The following RBFOX1 variants were observed in gnomAD, a reference collection of about 807,000 sequenced individuals.
RBFOX1 encodes RNA binding fox-1 homolog 1.
RBFOX1 carries 8 observed loss-of-function variants against 57.7 expected under a neutral mutation model. The ratio of observed to expected loss-of-function variants is 0.14; its 90% CI spans 0.08 to 0.25. The LOEUF (loss-of-function observed/expected upper bound fraction) is 0.25. RBFOX1 is among the 10% of genes least tolerant of loss of function. The pLI is 1.00. For missense variants in RBFOX1, 611 were observed against 548.5 expected, an observed-to-expected ratio of 1.11 and a Z score of -1.14; for synonymous variants, 326 against 222.4, an observed-to-expected ratio of 1.47 and a Z score of -4.15.
At chr16:7,656,287 G>T (rs1255971166) in intron 12 of RBFOX1, among the ~76,000 whole-genome samples, 1 of 152,136 alleles carries the variant, frequency 6.6e-6, no homozygotes, top group Non-Finnish European at 1.5e-5. Flanking sequence ...CAGACTCCTG[G>T]GAATGAATTG....
rs116980136 is a variant in RBFOX1 at position 6,997,005 on chromosome 16, T to A, written c.-15-55052T>A. Among the ~76,000 whole-genome samples, 1,302 of 152,248 alleles carry A rather than the reference T, an allele frequency of 8.6e-3. 10 individuals carry two copies. Among genetic ancestry groups the A allele is most frequent in the Non-Finnish European group, 0.013 (858 of 68,008 alleles). ...GATTTCCTCATCAGCTTTATACATA[T>A]GTATATGTATATATGTTTATATTTA... is the stretch of plus-strand genomic sequence containing the variant. On this transcript the variant is annotated intron_variant, in intron 3 of 15. Transcript: ENST00000550418.
chr16:5,654,294 G>A (rs920992976), intron 3 of RBFOX1, among the ~76,000 whole-genome samples: 1 of 152,146 alleles, frequency 6.6e-6, no homozygotes, highest in African/African-American at 2.4e-5. Context: ...ATTGGCTTCT[G>A]GGAGCCAAGT....
At chr16:5,630,978 G>C (rs1019573262) in intron 3 of RBFOX1, among the ~76,000 whole-genome samples, 13 of 152,194 alleles carry the variant, frequency 8.5e-5, no homozygotes, top group African/African-American at 3.1e-4. Flanking sequence ...ATTTAAGAAA[G>C]GGAAAGTGGG....
At chr16:7,238,763 A>T (rs1001226147) in intron 4 of RBFOX1, among the ~76,000 whole-genome samples, 1 of 152,068 alleles carries the variant, frequency 6.6e-6, no homozygotes, top group Non-Finnish European at 1.5e-5. Context: ...AGTACCCATT[A>T]CTTGTTTCTC....
intron 4 of RBFOX1, among the ~76,000 whole-genome samples, chr16:7,455,828 C>T (rs1169544538): frequency 2.7e-5 from 4 of 150,560 alleles, no homozygotes; most frequent in Non-Finnish European, 5.9e-5. Context: ...AAAACTGATT[C>T]ACATTTCAAT....
chr16:7,624,027 C>A (rs2059706039), intron 10 of RBFOX1, among the ~76,000 whole-genome samples: 1 of 152,154 alleles, frequency 6.6e-6, no homozygotes. Flanking sequence ...AAATGAGTGA[C>A]AGTGTAGGAA....
chr16:7,405,698 G>A (rs1459701085), intron 4 of RBFOX1, among the ~76,000 whole-genome samples: 3 of 152,184 alleles, frequency 2.0e-5, no homozygotes, highest in Non-Finnish European at 4.4e-5. Context: ...CTGCACCTGT[G>A]GTCAGCCTTC....
intron 2 of RBFOX1, among the ~76,000 whole-genome samples, chr16:5,516,682 G>C (rs1039136351): frequency 2.0e-5 from 3 of 152,074 alleles, no homozygotes; most frequent in Non-Finnish European, 4.4e-5. Flanking sequence ...ATATGTCATG[G>C]GCAGGACCCA....
At chr16:7,258,713 C>A (rs1302589281) in intron 4 of RBFOX1, among the ~76,000 whole-genome samples, 3 of 152,070 alleles carry the variant, frequency 2.0e-5, no homozygotes, top group African/African-American at 7.2e-5. Flanking sequence ...TCTATTAGAG[C>A]CATTTAATCT....
At chr16:6,328,485 T>G (rs185871186) in intron 2 of RBFOX1, among the ~76,000 whole-genome samples, 60 of 152,294 alleles carry the variant, frequency 3.9e-4, no homozygotes, top group African/African-American at 1.4e-3. Context: ...GGATTATTTT[T>G]GGGTGTATAT....
intron 4 of RBFOX1, among the ~76,000 whole-genome samples, chr16:7,196,177 A>C (rs1296119889): frequency 3.9e-5 from 6 of 152,196 alleles, no homozygotes; most frequent in Admixed American, 2.0e-4. Context: ...ATTTTGAAGT[A>C]TAAATAATCA....
intron 3 of RBFOX1, among the ~76,000 whole-genome samples, chr16:6,891,005 C>G (rs560825700): frequency 9.2e-5 from 14 of 152,162 alleles, no homozygotes; most frequent in African/African-American, 2.9e-4. Context: ...GACCCTTCAA[C>G]ACTGTGAACG....
At chr16:6,126,292 C>A (rs921362599) in intron 1 of RBFOX1, among the ~76,000 whole-genome samples, 4 of 152,184 alleles carry the variant, frequency 2.6e-5, no homozygotes, top group Admixed American at 2.6e-4. Context: ...CTTCGCAGGC[C>A]GTTGGTGTTA....
intron 3 of RBFOX1, among the ~76,000 whole-genome samples, chr16:5,732,144 C>G (rs192163877): frequency 1.3e-5 from 2 of 152,102 alleles, no homozygotes; most frequent in African/African-American, 4.8e-5. Context: ...CAGATAATTG[C>G]GGCATTTCAG....
At chr16:5,920,557 C>G (rs1159981876) in intron 4 of RBFOX1, among the ~76,000 whole-genome samples, 2 of 152,136 alleles carry the variant, frequency 1.3e-5, no homozygotes, top group African/African-American at 2.4e-5. Flanking sequence ...TAGCCTTGAC[C>G]TGGCTCCCTA....
In RBFOX1 at chr16:7,678,266, G is replaced by C. The variant is rs1324932078; in HGVS notation, c.995+1428G>C. On this transcript the variant is annotated intron_variant, in intron 14 of 15. Transcript: ENST00000550418. ...AATCAGTTGCCAAGATGCAAAATGT[G>C]TTTCATGTAAGTTGTTATCTCCAAC... Among the ~76,000 whole-genome samples, 42 of 152,096 alleles carry C rather than the reference G, an allele frequency of 2.8e-4. 3 individuals are homozygous for C. The highest frequency in any genetic ancestry group is 2.8e-3 in the Admixed American group (42 of 15,270).
chr16:5,672,863 GTGT>G (rs1438064754), intron 3 of RBFOX1, among the ~76,000 whole-genome samples: 2 of 12,958 alleles, frequency 1.5e-4, no homozygotes, highest in Non-Finnish European at 6.5e-4. Flanking sequence ...AGGTGTGTGT[GTGT>G]GTGTGTGTGT....
At chr16:5,488,924 T>C (rs1245094022) in intron 2 of RBFOX1, among the ~76,000 whole-genome samples, 6 of 152,244 alleles carry the variant, frequency 3.9e-5, no homozygotes, top group Non-Finnish European at 5.9e-5. Context: ...ACTTGAGTGC[T>C]GACTTACATG....
At chr16:7,513,763 C>A (rs905155674) in intron 4 of RBFOX1, among the ~76,000 whole-genome samples, 13 of 152,206 alleles carry the variant, frequency 8.5e-5, no homozygotes, top group Non-Finnish European at 5.9e-5. Context: ...GGAGAAGGGG[C>A]TGCTTTTCAT....
Sources: allele counts gnomAD v4.1 joint callset (sites outside exome capture counted in the v4.1 genomes callset), GRCh38; gene constraint gnomAD v4.1.1; transcripts MANE v1.5; gene names NCBI Gene and HGNC (gene_info 2026-07-23, HGNC 2026-07-21).